Variants in ANPEP observed in about 807,000 individuals in gnomAD.
ANPEP encodes alanyl aminopeptidase, membrane.
ANPEP carries 70 observed loss-of-function variants against 114.6 expected under a neutral mutation model. The observed-to-expected ratio is 0.61, with a 90% CI of 0.50 to 0.75. The LOEUF (loss-of-function observed/expected upper bound fraction) is 0.75, where lower values mean the gene tolerates loss of function less well. Among genes scored for constraint, ANPEP ranks in the 30% least tolerant of loss-of-function variants. The probability of loss-of-function intolerance (pLI) is 0.00; values close to 1 mark genes in which losing one functional copy is unlikely to be tolerated. For synonymous variants in ANPEP, 548 were observed against 522.3 expected, an observed-to-expected ratio of 1.05 and a Z score of -0.67; for missense variants, 1,184 against 1,259.5, an observed-to-expected ratio of 0.94 and a Z score of 0.91.
chr15:89,798,385 C>T (rs1486739307), intron 14 of ANPEP, among the ~76,000 whole-genome samples: 1 of 152,172 alleles, frequency 6.6e-6, no homozygotes, highest in Non-Finnish European at 1.5e-5. Flanking sequence ...ACCTATAATC[C>T]CAGCTCTTTG....
Position 89,803,863 on chromosome 15 carries a change from A to C in ANPEP, c.1293+26T>G. 1.2e-6 allele frequency: 2 copies of C among 1,614,018 alleles called. No individual in the cohort carries two copies. Among genetic ancestry groups the C allele is most frequent in the Non-Finnish European group, 1.7e-6 (2 of 1,179,930 alleles). Reference sequence around the variant, plus strand: ...CCAGGTCTCCCTCCATGCCCCCCGCACCAGACCCCTGGGCAGCTGGCTTAC... The same window carrying C: ...CCAGGTCTCCCTCCATGCCCCCCGCCCCAGACCCCTGGGCAGCTGGCTTAC... On this transcript the variant is annotated intron_variant, in intron 7 of 20. Transcript: ENST00000300060. This position sits in a 1 kb window ranked among gnomAD's most constrained non-coding sequence, Gnocchi z 4.2.
intron 12 of ANPEP, among the ~76,000 whole-genome samples, chr15:89,800,179 C>T (rs570771647): frequency 1.3e-5 from 2 of 152,314 alleles, no homozygotes; most frequent in African/African-American, 4.8e-5. Context: ...CCCACACTCT[C>T]TCCTACCTCT....
chr15:89,797,758 C>T (rs1447758237), intron 14 of ANPEP, 36 bp from the exon 15 acceptor site: 1 of 1,612,224 alleles, frequency 6.2e-7, no homozygotes, highest in Non-Finnish European at 8.5e-7. Flanking sequence ...TAAAGCACCT[C>T]CACCCAGCCC....
Position 89,797,555 on chromosome 15 carries a change from C to G in ANPEP, c.2157+20G>C, listed in dbSNP as rs764584773. 5 of 1,600,320 alleles carry G rather than the reference C, an allele frequency of 3.1e-6. No homozygotes were observed. The African/African-American group carries it at 4.0e-5, about 13-fold the overall frequency. On this transcript the variant is annotated intron_variant, in intron 15 of 20. Coordinates refer to ENST00000300060, the MANE Select transcript of ANPEP (RefSeq NM_001150.3). ...CACTGGGGCGAACTGGTTCTTGAAC[C>G]CTACCATGCACCTCCGTACCTTCAT...
rs1227701437 is a variant in ANPEP at position 89,801,593 on chromosome 15, C to T, written c.1584G>A (p.Arg528=). The change falls in exon 11 of 21, where the codon CGG becomes CGA. Residue 528 remains arginine (R), a synonymous_variant. Coordinates refer to ENST00000300060, the MANE Select transcript of ANPEP (RefSeq NM_001150.3). ...WDHLQEAVNN[R]SIQLPTTVRD... ...GCACGGTGGTGGGGAGTTGGATGGA[C>T]CGGTTGTTCACAGCCTGTGGGTGGA... The T allele has an allele frequency of 1.9e-6, 3 of 1,613,834 alleles. No individual in the cohort carries two copies. The highest frequency in any genetic ancestry group is 2.2e-5 in the South Asian group (2 of 91,068).
At chr15:89,787,256 A>G (rs1294713630) in intron 20 of ANPEP, among the ~76,000 whole-genome samples, 1 of 152,074 alleles carries the variant, frequency 6.6e-6, no homozygotes, top group East Asian at 1.9e-4. Flanking sequence ...CATCTTGGCC[A>G]GGCTGGTCTT....
At chr15:89,804,047 C>A in intron 6 of ANPEP, 45 bp from the exon 7 acceptor site, 1 of 1,601,164 alleles carries the variant, frequency 6.2e-7, no homozygotes, top group Non-Finnish European at 8.6e-7. Flanking sequence ...CCAGGCTGGG[C>A]ACTGAGAATC....
Position 89,805,219 on chromosome 15 carries a change from T to C in ANPEP, c.758-2A>G. ...CTTCTGGAAGTGGGGTGCTGGGACC[T>C]GGGCAGGGAGCATGTGTGTGTGAGG... is the stretch of plus-strand genomic sequence containing the variant. On this transcript the variant is annotated splice_acceptor_variant, in intron 3 of 20. Transcript: ENST00000300060. LOFTEE classifies it high-confidence loss of function. 1 of 1,614,188 alleles carries C rather than the reference T, an allele frequency of 6.2e-7. No individual in the cohort carries two copies. The highest frequency in any genetic ancestry group is 8.5e-7 in the Non-Finnish European group (1 of 1,180,020).
chr15:89,810,693 C>G lies in ANPEP; in HGVS notation c.-223-3887G>C, dbSNP rs541987753. ...ATCGTATGCCCCTCCATGCCCAGCA[C>G]AAGGCAGGAGCCCAATACATGTTGG... On this transcript the variant is annotated intron_variant, in intron 1 of 20. Coordinates refer to ENST00000300060, the MANE Select transcript of ANPEP (RefSeq NM_001150.3). 7.2e-5 allele frequency among the ~76,000 whole-genome samples: 11 copies of G among 152,358 alleles called. No homozygotes were observed. The South Asian group carries it at 2.3e-3, about 32-fold the overall frequency.
chr15:89,804,561 C>G lies in ANPEP; in HGVS notation c.954G>C (p.Leu318=). ...AIAAGHGDYA[L]NVTGPILNFF... ...AGTTAAGGATGGGGCCCGTCACGTT[C>G]AGGGCATAATCGCCGTGGCCCGCCG... The change falls in exon 5 of 21, where the codon CTG becomes CTC. Residue 318 remains leucine (L), a synonymous_variant. Coordinates refer to ENST00000300060, the MANE Select transcript of ANPEP (RefSeq NM_001150.3). The G allele has an allele frequency of 6.2e-7, 1 of 1,614,098 alleles. No individual in the cohort carries two copies. The highest frequency in any genetic ancestry group is 1.3e-5 in the African/African-American group (1 of 75,044).
At chr15:89,802,145 A>G (rs1056092547) in intron 10 of ANPEP, among the ~76,000 whole-genome samples, 1 of 152,160 alleles carries the variant, frequency 6.6e-6, no homozygotes, top group Non-Finnish European at 1.5e-5. Flanking sequence ...ATTTGTTAAT[A>G]ACTGAAGAAA....
At chr15:89,804,655 G>A (rs1329998926) in intron 4 of ANPEP, 38 bp from the exon 5 acceptor site, 2 of 1,603,002 alleles carry the variant, frequency 1.2e-6, no homozygotes, top group Non-Finnish European at 8.5e-7. Flanking sequence ...AGGGGCTCCT[G>A]TTTGATCCTG....
In ANPEP at chr15:89,804,237, C is replaced by T. The variant is rs769137410; in HGVS notation, c.1179+16G>A. The T allele has an allele frequency of 2.2e-5, 36 of 1,613,732 alleles. No homozygotes were observed. The highest frequency in any genetic ancestry group is 5.3e-5 in the African/African-American group (4 of 74,932). On this transcript the variant is annotated intron_variant, in intron 6 of 20. Transcript: ENST00000300060. Reference sequence around the variant, plus strand: ...CCCCTGTTTCCTTCTCCGCACTCCCCGAGATGGGGGTCTACCTGGTGGGCC... The same window carrying T: ...CCCCTGTTTCCTTCTCCGCACTCCCTGAGATGGGGGTCTACCTGGTGGGCC...
chr15:89,794,279 T>G, intron 15 of ANPEP, among the ~76,000 whole-genome samples: 2 of 149,768 alleles, frequency 1.3e-5, no homozygotes, highest in African/African-American at 4.9e-5. Context: ...AGGTCAGGAG[T>G]TTGAGACCAG....
Position 89,803,512 on chromosome 15 carries a change from G to T in ANPEP, c.1438-5C>A, listed in dbSNP as rs749420552. On this transcript the variant is annotated splice_polypyrimidine_tract_variant and splice_region_variant and intron_variant, in intron 8 of 20. Coordinates refer to ENST00000300060, the MANE Select transcript of ANPEP (RefSeq NM_001150.3). This position sits in a 1 kb window ranked among gnomAD's most constrained non-coding sequence, Gnocchi z 4.2. ...CATCCTGAGGACTGAGGCGCCCTGG[G>T]GTGGGGGTGAGGGGGCGCTCAGAAG... The T allele has an allele frequency of 6.2e-7, 1 of 1,607,176 alleles. No individual in the cohort carries two copies. The highest frequency in any genetic ancestry group is 1.1e-5 in the South Asian group (1 of 90,648).
chr15:89,785,312 C>T lies in ANPEP; in HGVS notation c.*37G>A, dbSNP rs545925157. The T allele has an allele frequency of 1.4e-4, 230 of 1,612,514 alleles. 6 individuals carry two copies. The South Asian group carries it at 2.5e-3, about 17-fold the overall frequency. On this transcript the variant is annotated 3_prime_UTR_variant, in exon 21 of 21. Coordinates refer to ENST00000300060, the MANE Select transcript of ANPEP (RefSeq NM_001150.3). The stretch of plus-strand genomic sequence containing the variant: ...CCGCTGGGATGGACACATGTGGGCA[C>T]CTTGCATGGGGGCCGGGTGACTTCA...
At position 89,814,791 on chromosome 15, in the gene ANPEP, A is replaced by T. The variant is rs1894878697; in HGVS notation, c.-243T>A. 1 of 135,412 alleles carries T rather than the reference A, an allele frequency of 7.4e-6. No individual in the cohort carries two copies. The highest frequency in any genetic ancestry group is 7.5e-5 in the Admixed American group (1 of 13,364). 8.4% of individuals were successfully genotyped at this position (135,412 alleles called of 1,614,324 possible). A position where few individuals can be genotyped will look rare whatever the true frequency, so the allele number is the denominator to read the frequency against. Reference sequence around the variant, plus strand: ...ACTTGCCTGGGCCGCCGGGCGCTGGAACCTGGACCCTGGACCCTGGCGGGT... The same window carrying T: ...ACTTGCCTGGGCCGCCGGGCGCTGGTACCTGGACCCTGGACCCTGGCGGGT... On this transcript the variant is annotated 5_prime_UTR_variant, in exon 1 of 21. Coordinates refer to ENST00000300060, the MANE Select transcript of ANPEP (RefSeq NM_001150.3).
intron 1 of ANPEP, among the ~76,000 whole-genome samples, chr15:89,808,015 T>C (rs1894752822): frequency 6.6e-6 from 1 of 152,164 alleles, no homozygotes; most frequent in African/African-American, 2.4e-5. Context: ...TGCTTGAACC[T>C]GCTCAACACA....
intron 6 of ANPEP, 105 bp downstream of exon 6, chr15:89,804,148 G>A (rs1341567557): frequency 1.9e-5 from 30 of 1,566,062 alleles, no homozygotes; most frequent in Non-Finnish European, 2.4e-5. Flanking sequence ...CCTGCCAGGC[G>A]GCACCCTCCT....
Sources: allele counts gnomAD v4.1 joint callset (sites outside exome capture counted in the v4.1 genomes callset), GRCh38; gene constraint gnomAD v4.1.1; non-coding constraint Gnocchi (gnomAD v3.1); transcripts MANE v1.5; gene names NCBI Gene and HGNC (gene_info 2026-07-23, HGNC 2026-07-21).